The following NEMP2 variants were observed in gnomAD, a reference collection of about 807,000 sequenced individuals.
NEMP2 encodes the protein nuclear envelope integral membrane protein 2.
NEMP2 carries 53 observed loss-of-function variants against 54.2 expected under a neutral mutation model. That is an observed-to-expected ratio of 0.98 (90% CI 0.78 to 1.23). NEMP2 has a LOEUF of 1.23. Ranked by LOEUF, NEMP2 falls within the 50% of genes most tolerant of loss-of-function variation. The pLI, the probability that NEMP2 is intolerant of heterozygous loss-of-function variation, is 0.00. For missense variants in NEMP2, 455 were observed against 511.3 expected, an observed-to-expected ratio of 0.89 and a Z score of 1.06; for synonymous variants, 197 against 190.3, an observed-to-expected ratio of 1.04 and a Z score of -0.29.
At chr2:190,455,527 G>A in the NEMP2 span, among the ~76,000 whole-genome samples, 1 of 152,114 alleles carries the variant, frequency 6.6e-6, no homozygotes, top group East Asian at 1.9e-4. Flanking sequence ...TGATCTGCAC[G>A]ACCCTGGCAA....
At chr2:190,621,529 T>C in the NEMP2 span, among the ~76,000 whole-genome samples, 2 of 152,096 alleles carry the variant, frequency 1.3e-5, no homozygotes, top group African/African-American at 4.8e-5. Context: ...ATTGTTAAGA[T>C]TATAGTACTC....
At chr2:190,470,755 T>C in the NEMP2 span, among the ~76,000 whole-genome samples, 1 of 152,172 alleles carries the variant, frequency 6.6e-6, no homozygotes, top group Non-Finnish European at 1.5e-5. Context: ...ATTTCAGTCT[T>C]TTAAAATGAA....
the NEMP2 span, chr2:190,568,183 C>A: frequency 6.6e-6 from 1 of 152,154 alleles, no homozygotes; most frequent in Non-Finnish European, 1.5e-5. This position sits in a 1 kb window ranked among gnomAD's most constrained non-coding sequence, Gnocchi z 4.7. Flanking sequence ...AAAAGAGAAT[C>A]TACATGATCT....
rs2125301721 is a variant in NEMP2 at position 190,509,356 on chromosome 2, A to G, written c.1131-44T>C. On this transcript the variant is annotated intron_variant, in intron 8 of 8. Coordinates refer to ENST00000409150, the MANE Select transcript of NEMP2 (RefSeq NM_001142645.2). This position sits in a 1 kb window ranked among gnomAD's most constrained non-coding sequence, Gnocchi z 6.1. Reference sequence around the variant, plus strand: ...TAAATAAAGTTAATGTTATCTCAGGAAGGTTTATTTGAAAGATAACATGTT... The same window carrying G: ...TAAATAAAGTTAATGTTATCTCAGGGAGGTTTATTTGAAAGATAACATGTT... 2 of 1,542,084 alleles carry G rather than the reference A, an allele frequency of 1.3e-6. No individual in the cohort carries two copies. The highest frequency in any genetic ancestry group is 4.9e-5 in the East Asian group (2 of 40,852).
upstream of NEMP2, among the ~76,000 whole-genome samples, chr2:190,539,135 G>C (rs1357805212): frequency 6.6e-6 from 1 of 152,114 alleles, no homozygotes; most frequent in Admixed American, 6.5e-5. The surrounding 1 kb of genome is among the most constrained non-coding windows in gnomAD (Gnocchi z 4.1). Flanking sequence ...TATATGGTAA[G>C]ATATAGAGGT....
the NEMP2 span, among the ~76,000 whole-genome samples, chr2:190,447,446 C>A: frequency 6.6e-6 from 1 of 152,058 alleles, no homozygotes; most frequent in East Asian, 1.9e-4. The surrounding 1 kb of genome is among the most constrained non-coding windows in gnomAD (Gnocchi z 4.5). Context: ...CTGCTAAGTC[C>A]TCTGCTAATA....
At chr2:190,635,061 G>T in the NEMP2 span, among the ~76,000 whole-genome samples, 6 of 152,084 alleles carry the variant, frequency 3.9e-5, no homozygotes, top group Non-Finnish European at 8.8e-5. The surrounding 1 kb of genome is among the most constrained non-coding windows in gnomAD (Gnocchi z 4.1). Flanking sequence ...ATTTTGTTTT[G>T]GTCCATAAGC....
chr2:190,556,947 A>G, the NEMP2 span, among the ~76,000 whole-genome samples: 1 of 152,220 alleles, frequency 6.6e-6, no homozygotes, highest in Non-Finnish European at 1.5e-5. Flanking sequence ...GCTACCATTG[A>G]CTTTCTTCAC....
At chr2:190,469,739 A>ATTTTTTG in the NEMP2 span, 1 of 1,383,376 alleles carries the variant, frequency 7.2e-7, no homozygotes, top group Non-Finnish European at 9.5e-7. This position sits in a 1 kb window ranked among gnomAD's most constrained non-coding sequence, Gnocchi z 5.3. Flanking sequence ...TTTTATTTTT[A>ATTTTTTG]TTTTTTATTT....
At chr2:190,637,735 C>T in the NEMP2 span, among the ~76,000 whole-genome samples, 1 of 152,328 alleles carries the variant, frequency 6.6e-6, no homozygotes, top group Admixed American at 6.5e-5. The surrounding 1 kb of genome is among the most constrained non-coding windows in gnomAD (Gnocchi z 4.5). Context: ...CTTTGTGTGA[C>T]TAAGAACATC....
chr2:190,617,004 A>C, the NEMP2 span: 1 of 152,042 alleles, frequency 6.6e-6, no homozygotes, highest in Non-Finnish European at 1.5e-5. The surrounding 1 kb of genome is among the most constrained non-coding windows in gnomAD (Gnocchi z 5.0). Flanking sequence ...TCGTACCTGT[A>C]GTCCCAGCTA....
chr2:190,484,763 TA>T, the NEMP2 span, among the ~76,000 whole-genome samples: 1 of 152,180 alleles, frequency 6.6e-6, no homozygotes, highest in African/African-American at 2.4e-5. Context: ...GTTTCCTATC[TA>T]AGAAATGAGA....
At chr2:190,586,772 T>A in the NEMP2 span, among the ~76,000 whole-genome samples, 2 of 152,182 alleles carry the variant, frequency 1.3e-5, no homozygotes, top group African/African-American at 4.8e-5. The surrounding 1 kb of genome is among the most constrained non-coding windows in gnomAD (Gnocchi z 4.5). Context: ...TTAGAAAAAA[T>A]TTTAAACACA....
chr2:190,434,837 C>T, the NEMP2 span, among the ~76,000 whole-genome samples: 7 of 152,130 alleles, frequency 4.6e-5, no homozygotes, highest in African/African-American at 1.7e-4. The surrounding 1 kb of genome is among the most constrained non-coding windows in gnomAD (Gnocchi z 4.3). Context: ...GACCATGGAC[C>T]GCTACCACTC....
the NEMP2 span, among the ~76,000 whole-genome samples, chr2:190,581,575 A>T: frequency 6.6e-6 from 1 of 152,200 alleles, no homozygotes; most frequent in South Asian, 2.1e-4. Context: ...CGTGCACATG[A>T]TTCTGACATT....
chr2:190,622,957 C>T, the NEMP2 span, among the ~76,000 whole-genome samples: 1 of 151,892 alleles, frequency 6.6e-6, no homozygotes, highest in Non-Finnish European at 1.5e-5. Context: ...CACCAAAAAA[C>T]TAGAACAGAC....
chr2:190,578,746 G>A, the NEMP2 span, among the ~76,000 whole-genome samples: 2 of 151,698 alleles, frequency 1.3e-5, no homozygotes, highest in Non-Finnish European at 2.9e-5. This position sits in a 1 kb window ranked among gnomAD's most constrained non-coding sequence, Gnocchi z 4.4. Flanking sequence ...GGGAGGGTGT[G>A]TACAGCAGGG....
At chr2:190,603,952 A>G in the NEMP2 span, among the ~76,000 whole-genome samples, 7 of 152,122 alleles carry the variant, frequency 4.6e-5, no homozygotes, top group Non-Finnish European at 8.8e-5. Flanking sequence ...TACCATTTTC[A>G]TTCTTTCTTC....
chr2:190,496,375 C>T, the NEMP2 span, among the ~76,000 whole-genome samples: 6 of 152,190 alleles, frequency 3.9e-5, no homozygotes, highest in African/African-American at 1.4e-4. This position sits in a 1 kb window ranked among gnomAD's most constrained non-coding sequence, Gnocchi z 4.7. Context: ...CACTTCTACA[C>T]TGCTGGTAGG....
Sources: gnomAD v4.1 joint callset for allele counts (sites outside exome capture counted in the v4.1 genomes callset) on GRCh38, gnomAD v4.1.1 for gene constraint, Gnocchi (gnomAD v3.1) non-coding constraint, MANE v1.5 for transcripts, NCBI Gene and HGNC (gene_info 2026-07-23, HGNC 2026-07-21) for gene names.